ABHD18: variants seen among roughly 807,000 people sequenced by gnomAD.
ABHD18 encodes cardiolipin-specific deacylase, mitochondrial.
In ABHD18, 55 loss-of-function variants were observed where a neutral mutation model predicts 65.9. That is an observed-to-expected ratio of 0.84 (90% CI 0.67 to 1.05). The LOEUF (loss-of-function observed/expected upper bound fraction) is 1.05. Ranked by LOEUF, ABHD18 falls within the 50% of genes least tolerant of loss-of-function variation. ABHD18 has a pLI of 0.00. For synonymous variants in ABHD18, 181 were observed against 180.2 expected, an observed-to-expected ratio of 1.00 and a Z score of -0.04; for missense variants, 533 against 558.5, an observed-to-expected ratio of 0.95 and a Z score of 0.46.
chr4:128,035,651 G>T, intron 12 of ABHD18, 111 bp from the exon 13 acceptor site: 1 of 625,522 alleles, frequency 1.6e-6, no homozygotes. Context: ...ATTTAGAGAG[G>T]ATGTCAAGTT....
At chr4:127,989,658 A>G in intron 3 of ABHD18, 63 bp from the exon 4 acceptor site, 2 of 1,120,520 alleles carry the variant, frequency 1.8e-6, no homozygotes, top group Non-Finnish European at 2.5e-6. Flanking sequence ...TTAGAAGAAC[A>G]TCCATGACAG....
chr4:128,015,490 ATT>A (rs2149151395), intron 7 of ABHD18, among the ~76,000 whole-genome samples: 1 of 152,340 alleles, frequency 6.6e-6, no homozygotes, highest in Non-Finnish European at 1.5e-5. Flanking sequence ...AGTTGGGGAA[ATT>A]GTGTAATCAT....
chr4:127,987,428 G>A (rs1054197065), intron 3 of ABHD18, among the ~76,000 whole-genome samples: 3 of 151,884 alleles, frequency 2.0e-5, no homozygotes, highest in South Asian at 4.2e-4. Flanking sequence ...TACATAAGAG[G>A]GTTGAGTGTG....
At chr4:128,000,779 T>C (rs922795426) in intron 4 of ABHD18, among the ~76,000 whole-genome samples, 1 of 152,228 alleles carries the variant, frequency 6.6e-6, no homozygotes, top group Non-Finnish European at 1.5e-5. Context: ...GGAATGTTTT[T>C]CCATTTGTTT....
intron 1 of ABHD18, among the ~76,000 whole-genome samples, chr4:127,982,584 G>A (rs1029095592): frequency 1.3e-5 from 2 of 152,178 alleles, no homozygotes; most frequent in Admixed American, 6.5e-5. Context: ...ATGAGAACCT[G>A]CGTGTGTGTT....
chr4:127,970,475 C>G (rs530383578), intron 1 of ABHD18, among the ~76,000 whole-genome samples: 4 of 151,316 alleles, frequency 2.6e-5, no homozygotes, highest in Non-Finnish European at 5.9e-5. Flanking sequence ...GCCTGTAATC[C>G]CAGCTACTCG....
At chr4:127,989,887 AC>A in intron 4 of ABHD18, 66 bp downstream of exon 4, 1 of 984,590 alleles carries the variant, frequency 1.0e-6, no homozygotes, top group Non-Finnish European at 1.5e-6. Flanking sequence ...TAATATCAAC[AC>A]TATGTTATTT....
At chr4:128,027,471 T>C (rs1228472153) in intron 10 of ABHD18, among the ~76,000 whole-genome samples, 1 of 152,038 alleles carries the variant, frequency 6.6e-6, no homozygotes, top group African/African-American at 2.4e-5. Context: ...AGTGGCACGA[T>C]ATCAGGTCAC....
At chr4:127,968,350 G>A (rs912442003) in intron 1 of ABHD18, among the ~76,000 whole-genome samples, 1 of 152,344 alleles carries the variant, frequency 6.6e-6, no homozygotes, top group African/African-American at 2.4e-5. Flanking sequence ...CCCTTTCTTA[G>A]CTACTTAAAC....
intron 1 of ABHD18, among the ~76,000 whole-genome samples, chr4:127,973,253 C>G (rs1466193757): frequency 6.6e-6 from 1 of 152,156 alleles, no homozygotes; most frequent in African/African-American, 2.4e-5. Context: ...TGGACTCAAG[C>G]GGTCCTCTCA....
chr4:127,998,281 C>CTTTTTTTTTTT (rs993883974), intron 4 of ABHD18, among the ~76,000 whole-genome samples: 1 of 119,838 alleles, frequency 8.3e-6, no homozygotes, highest in Non-Finnish European at 1.7e-5. Flanking sequence ...CAAGACGTTT[C>CTTTTTTTTTTT]TTTTTTTTTT....
chr4:128,030,617 C>T lies in ABHD18; in HGVS notation c.1288C>T (p.Arg430Ter), dbSNP rs149965291. The T allele has an allele frequency of 1.7e-5, 28 of 1,606,274 alleles. No individual in the cohort carries two copies. The highest frequency in any genetic ancestry group is 1.3e-4 in the East Asian group (6 of 44,508). Residue 430 changes from arginine (R) to a stop codon, truncating the protein, a stop_gained, in exon 12 of 13, where the codon CGA (arginine) becomes TGA (stop). Coordinates refer to ENST00000645843, the MANE Select transcript of ABHD18 (RefSeq NM_001358451.3). LOFTEE classifies it high-confidence loss of function. ...LQEIWPGCEI[R>*]YLEGGHISAY... The stretch of plus-strand genomic sequence containing the variant: ...AGAAATTTGGCCTGGTTGTGAAATC[C>T]GATACTTAGAAGGGGGTCATATTAG...
At chr4:127,966,839 C>T (rs1745636291) in intron 1 of ABHD18, among the ~76,000 whole-genome samples, 1 of 144,402 alleles carries the variant, frequency 6.9e-6, no homozygotes, top group East Asian at 2.1e-4. Context: ...GAGCCGAGAT[C>T]ACGCCACTGC....
chr4:128,004,760 A>G (rs1033413599), intron 4 of ABHD18, among the ~76,000 whole-genome samples: 4 of 149,976 alleles, frequency 2.7e-5, no homozygotes, highest in African/African-American at 9.8e-5. Flanking sequence ...AAAATACAAA[A>G]ATTAGCTGGT....
intron 4 of ABHD18, among the ~76,000 whole-genome samples, chr4:127,995,525 T>C (rs1751596790): frequency 6.6e-6 from 1 of 152,232 alleles, no homozygotes; most frequent in Non-Finnish European, 1.5e-5. Context: ...ATTTTAAATA[T>C]GTATGTTAAA....
intron 9 of ABHD18, among the ~76,000 whole-genome samples, chr4:128,020,670 T>C (rs1756342091): frequency 6.6e-6 from 1 of 152,080 alleles, no homozygotes; most frequent in African/African-American, 2.4e-5. Context: ...TTTATATAAG[T>C]ATAGAAAGCT....
intron 1 of ABHD18, among the ~76,000 whole-genome samples, chr4:127,970,873 C>G (rs112902100): frequency 0.08 from 12,154 of 151,738 alleles, 976 homozygotes; most frequent in East Asian, 0.27. Flanking sequence ...CCAGGAGTTC[C>G]AGACCAGCCT....
rs1383832174 is a variant in ABHD18 at position 128,037,467 on chromosome 4, A to G, written c.*1654A>G. On this transcript the variant is annotated 3_prime_UTR_variant, in exon 13 of 13. Transcript: ENST00000645843. ...GCGGTTCTCCTGCCTCCACCTGAGT[A>G]GCTGAGATTACAGGTGCCCGCCACC... The G allele has an allele frequency of 6.6e-6, 1 of 151,698 alleles. No individual in the cohort carries two copies. The highest frequency in any genetic ancestry group is 2.1e-4 in the South Asian group (1 of 4,784). 9.4% of individuals were successfully genotyped at this position (151,698 alleles called of 1,614,324 possible).
intron 1 of ABHD18, among the ~76,000 whole-genome samples, chr4:127,970,589 CAAAA>C (rs375709595): frequency 1.8e-5 from 1 of 54,658 alleles, no homozygotes; most frequent in Non-Finnish European, 3.8e-5. Context: ...AACTCTGTCT[CAAAA>C]AAAAAAAAAA....
Sources: gnomAD v4.1 joint callset for allele counts (sites outside exome capture counted in the v4.1 genomes callset) on GRCh38, gnomAD v4.1.1 for gene constraint, MANE v1.5 for transcripts, NCBI Gene and HGNC (gene_info 2026-07-23, HGNC 2026-07-21) for gene names.